Variants in GTPBP2 observed in about 807,000 individuals in gnomAD.
GTPBP2 encodes GTP binding protein 2.
Under a neutral mutation model 63.0 loss-of-function variants are expected in GTPBP2, and 32 were observed. The observed-to-expected ratio is 0.51, with a 90% CI of 0.38 to 0.68. The LOEUF (loss-of-function observed/expected upper bound fraction) is 0.68, where lower values mean the gene tolerates loss of function less well. Among genes scored for constraint, GTPBP2 ranks in the 30% least tolerant of loss-of-function variants. The pLI is 0.00. For missense variants in GTPBP2, 492 were observed against 796.9 expected (o/e 0.62, Z 4.61); for synonymous variants, 310 against 322.6 (o/e 0.96, Z 0.42).
intron 11 of GTPBP2, 80 bp from the exon 12 acceptor site, chr6:43,621,870 A>G (rs538373913): frequency 1.9e-5 from 31 of 1,604,122 alleles, no homozygotes; most frequent in African/African-American, 2.7e-5. Context: ...CACCCTCCAG[A>G]GGCCTATCAG....
chr6:43,627,816 G>A (rs894807850), intron 1 of GTPBP2, among the ~76,000 whole-genome samples: 9 of 152,204 alleles, frequency 5.9e-5, no homozygotes, highest in Non-Finnish European at 1.3e-4. Context: ...CTGGCTCCCA[G>A]GCCCTAACAG....
At position 43,623,955 on chromosome 6, in the gene GTPBP2, A is replaced by ATGAGTTCCTCCTGCTCTTTGCTGT. The variant is rs1424378500; in HGVS notation, c.1190_1213dup (p.Asn397_Leu404dup). 1 of 1,614,156 alleles carries ATGAGTTCCTCCTGCTCTTTGCTGT rather than the reference A, an allele frequency of 6.2e-7. No homozygotes were observed. Among genetic ancestry groups the ATGAGTTCCTCCTGCTCTTTGCTGT allele is most frequent in the East Asian group, 2.2e-5 (1 of 44,886 alleles). On this transcript the variant is annotated inframe_insertion, in exon 8 of 12. Transcript: ENST00000307126. Reference sequence around the variant, plus strand: ...TACCTGGAACTCCGTCAGCTGCTGCATGAGTTCCTCCTGCTCTTTGCTGTT... The same window carrying ATGAGTTCCTCCTGCTCTTTGCTGT: ...TACCTGGAACTCCGTCAGCTGCTGCATGAGTTCCTCCTGCTCTTTGCTGTTGAGTTCCTCCTGCTCTTTGCTGTT...
chr6:43,623,460 C>A, intron 9 of GTPBP2: 1 of 486,040 alleles, frequency 2.1e-6, no homozygotes, highest in Non-Finnish European at 3.7e-6. Context: ...GAGATGAAGT[C>A]AGTTGAATAC....
intron 9 of GTPBP2, 61 bp downstream of exon 9, chr6:43,623,676 G>T: frequency 8.1e-7 from 1 of 1,237,848 alleles, no homozygotes; most frequent in Non-Finnish European, 1.2e-6. Flanking sequence ...CTTTGGGCCA[G>T]GATGTCTTTG....
Position 43,626,976 on chromosome 6 carries a change from TACACTGTACAG to T in GTPBP2, c.187-39_187-29del. 1 of 1,594,184 alleles carries T rather than the reference TACACTGTACAG, an allele frequency of 6.3e-7. No individual in the cohort carries two copies. The highest frequency in any genetic ancestry group is 1.1e-5 in the South Asian group (1 of 90,194). ...GAAAAGAAACAGTGAGCAGTTACCA[TACACTGTACAG>T]ACCCAATCCCTACTTCCCCTCAATT... On this transcript the variant is annotated intron_variant, in intron 1 of 11. Coordinates refer to ENST00000307126, the MANE Select transcript of GTPBP2 (RefSeq NM_019096.5). The surrounding 1 kb of genome is among the most constrained non-coding windows in gnomAD (Gnocchi z 4.0).
At chr6:43,630,202 C>A (rs1336284896), upstream of GTPBP2, among the ~76,000 whole-genome samples, 1 of 152,222 alleles carries the variant, frequency 6.6e-6, no homozygotes, top group African/African-American at 2.4e-5. Context: ...TTTTGACTCT[C>A]TTGTGAAGCA....
rs1053367562 is a variant in GTPBP2 at position 43,625,923 on chromosome 6, G to A, written c.399-59C>T. The A allele has an allele frequency of 2.0e-5, 27 of 1,337,668 alleles. No homozygotes were observed. In the African/African-American group the frequency reaches 2.7e-4, roughly 14 times the overall value. 82.9% of individuals were successfully genotyped at this position (1,337,668 alleles called of 1,614,324 possible). On this transcript the variant is annotated intron_variant, in intron 3 of 11. Coordinates refer to ENST00000307126, the MANE Select transcript of GTPBP2 (RefSeq NM_019096.5). The surrounding 1 kb of genome is among the most constrained non-coding windows in gnomAD (Gnocchi z 5.1). ...CCTGTCCTTCTCCTATTCCAGGCTCGCTCTGGACCTACAGACTTCCTGCAC... is the reference window on the plus strand; with the variant it reads ...CCTGTCCTTCTCCTATTCCAGGCTCACTCTGGACCTACAGACTTCCTGCAC...
rs1769659032 is a variant in GTPBP2 at position 43,628,833 on chromosome 6, T to C, written c.186+144A>G. On this transcript the variant is annotated intron_variant, in intron 1 of 11. Coordinates refer to ENST00000307126, the MANE Select transcript of GTPBP2 (RefSeq NM_019096.5). Reference sequence around the variant, plus strand: ...CCTTCCTCCCTGGGGTCCCGGGACCTGAAAGAGGTGTTCTCCTCCCGTGCC... The same window carrying C: ...CCTTCCTCCCTGGGGTCCCGGGACCCGAAAGAGGTGTTCTCCTCCCGTGCC... 4 of 939,308 alleles carry C rather than the reference T, an allele frequency of 4.3e-6. No homozygotes were observed. The East Asian group carries it at 9.6e-5, about 22-fold the overall frequency. The allele number at this position is 939,308 out of a possible 1,614,324, so 58.2% of individuals were successfully genotyped here.
At chr6:43,628,710 C>G (rs960543550) in intron 1 of GTPBP2, 1 of 704,928 alleles carries the variant, frequency 1.4e-6, no homozygotes, top group Non-Finnish European at 2.6e-6. Context: ...GATCCCCTTT[C>G]TCTACTTCTC....
Position 43,624,945 on chromosome 6 carries a change from G to A in GTPBP2, c.823C>T (p.Leu275Phe). 6.2e-7 allele frequency: 1 copy of A among 1,614,138 alleles called. No homozygotes were observed. The highest frequency in any genetic ancestry group is 1.1e-5 in the South Asian group (1 of 91,078). ...HKYLHTTIFG[L>F]TSYCPDCALL... ...GCGCAGTCGGGGCAGTATGATGTGA[G>A]GCCAAAGATGGTGGTGTGTAGGTAC... Residue 275 changes from leucine (L) to phenylalanine (F), a missense_variant, in exon 6 of 12, where the codon CTC becomes TTC. Leu to Phe is a conservative substitution (Grantham distance 22). Around this residue, in one of 2 missense-constraint regions of GTPBP2, gnomAD observed 400 missense variants for 710.8 expected, o/e 0.56. Coordinates refer to ENST00000307126, the MANE Select transcript of GTPBP2 (RefSeq NM_019096.5). The surrounding 1 kb of genome is among the most constrained non-coding windows in gnomAD (Gnocchi z 5.1).
Position 43,622,531 on chromosome 6 carries a change from C to T in GTPBP2, c.1467+102G>A, listed in dbSNP as rs1307627801. The T allele has an allele frequency of 7.0e-6, 8 of 1,136,876 alleles. No homozygotes were observed. In the African/African-American group the frequency reaches 1.2e-4, roughly 18 times the overall value. 70.4% of individuals were successfully genotyped at this position (1,136,876 alleles called of 1,614,324 possible). A position where few individuals can be genotyped will look rare whatever the true frequency, so the allele number is the denominator to read the frequency against. ...CTTCTTGGGTCAGAGAGTGTGTTTCCTCTGAGTTTCTCTGAAGCACCTTAG... is the reference window on the plus strand; with the variant it reads ...CTTCTTGGGTCAGAGAGTGTGTTTCTTCTGAGTTTCTCTGAAGCACCTTAG... On this transcript the variant is annotated intron_variant, in intron 10 of 11. Transcript: ENST00000307126. The surrounding 1 kb of genome is among the most constrained non-coding windows in gnomAD (Gnocchi z 5.4).
chr6:43,630,113 C>G (rs548839096), upstream of GTPBP2, among the ~76,000 whole-genome samples: 3 of 152,194 alleles, frequency 2.0e-5, no homozygotes, highest in Non-Finnish European at 2.9e-5. Flanking sequence ...GGCTAGGGCT[C>G]GGGTTACACC....
rs142764161 is a variant in GTPBP2, at chr6:43,620,969, C to T, written c.*645G>A. 6.4e-3 allele frequency: 1,135 copies of T among 176,950 alleles called. 22 individuals are homozygous for T. The highest frequency in any genetic ancestry group is 0.025 in the African/African-American group (1,073 of 42,128). The allele number at this position is 176,950 out of a possible 1,614,324, so 11.0% of individuals were successfully genotyped here. On this transcript the variant is annotated 3_prime_UTR_variant, in exon 12 of 12. Transcript: ENST00000307126. ...AATAGCACCTGTGGGGCCTATAAGC[C>T]GGGAGGGGATGGGGGAGATAGGGAC...
upstream of GTPBP2, chr6:43,629,300 C>T (rs1217191111): frequency 3.3e-5 from 21 of 645,598 alleles, no homozygotes; most frequent in Non-Finnish European, 4.8e-5. Flanking sequence ...CCCCCCACCT[C>T]CCTGGCCTCC....
upstream of GTPBP2, among the ~76,000 whole-genome samples, chr6:43,630,732 G>A (rs1203723405): frequency 6.9e-5 from 10 of 145,892 alleles, no homozygotes; most frequent in African/African-American, 2.3e-4. Flanking sequence ...AACAGAGCGA[G>A]ACTCCAACTA....
At chr6:43,623,571 C>G (rs1769003952) in intron 9 of GTPBP2, 166 bp downstream of exon 9, 11 of 630,818 alleles carry the variant, frequency 1.7e-5, no homozygotes, top group South Asian at 1.5e-4. Context: ...CCAAAGCCAA[C>G]AGACTACCGT....
chr6:43,623,672 G>T, intron 9 of GTPBP2, 65 bp downstream of exon 9: 1 of 1,202,174 alleles, frequency 8.3e-7, no homozygotes, highest in Non-Finnish European at 1.2e-6. Flanking sequence ...CCTCCTTTGG[G>T]CCAGGATGTC....
Position 43,624,815 on chromosome 6 carries a change from T to TC in GTPBP2, c.880+72dup. ...GGAAGAAGAGGAGCATTGGTCTGTC[T>TC]CCAAGATTTGAGGCCCAGGGTAGGA... On this transcript the variant is annotated intron_variant, in intron 6 of 11. Coordinates refer to ENST00000307126, the MANE Select transcript of GTPBP2 (RefSeq NM_019096.5). The surrounding 1 kb of genome is among the most constrained non-coding windows in gnomAD (Gnocchi z 5.1). 1 of 1,589,538 alleles carries TC rather than the reference T, an allele frequency of 6.3e-7. No homozygotes were observed. The highest frequency in any genetic ancestry group is 8.6e-7 in the Non-Finnish European group (1 of 1,158,740).
Position 43,623,827 on chromosome 6 carries a change from G to A in GTPBP2, c.1237-32C>T, listed in dbSNP as rs116875549. 268 of 1,609,584 alleles carry A rather than the reference G, an allele frequency of 1.7e-4. 2 individuals carry two copies. In the East Asian group the frequency reaches 4.9e-3, roughly 29 times the overall value. ...CCAAAGAAAACGCTATCAATGGCCT[G>A]CCAAGTAGGGCTGGTGGGTCCAAAA... On this transcript the variant is annotated intron_variant, in intron 8 of 11. Coordinates refer to ENST00000307126, the MANE Select transcript of GTPBP2 (RefSeq NM_019096.5).
Sources: gnomAD v4.1 joint callset for allele counts (sites outside exome capture counted in the v4.1 genomes callset) on GRCh38, gnomAD v4.1.1 for gene constraint, gnomAD v4.1.1 regional missense constraint, Gnocchi (gnomAD v3.1) non-coding constraint, MANE v1.5 for transcripts, NCBI Gene and HGNC (gene_info 2026-07-23, HGNC 2026-07-21) for gene names.